HS3ST3A1: variants seen among roughly 807,000 people sequenced by gnomAD.
HS3ST3A1 encodes the protein heparan sulfate-glucosamine 3-sulfotransferase 3A1, also known as heparan sulfate glucosamine 3-O-sulfotransferase 3A1.
HS3ST3A1 carries 19 observed loss-of-function variants against 25.7 expected under a neutral mutation model. The observed-to-expected ratio is 0.74, with a 90% CI of 0.52 to 1.08. The LOEUF is 1.08. HS3ST3A1 is among the 50% of genes least tolerant of loss of function. HS3ST3A1 has a pLI of 0.00. For missense variants in HS3ST3A1, 459 were observed against 594.3 expected (o/e 0.77, Z 2.37); for synonymous variants, 226 against 278.6 (o/e 0.81, Z 1.88).
At chr17:13,530,942 C>T (rs1906587245) in intron 1 of HS3ST3A1, among the ~76,000 whole-genome samples, 1 of 152,192 alleles carries the variant, frequency 6.6e-6, no homozygotes, top group Admixed American at 6.5e-5. Context: ...TCCCTCTTCT[C>T]TGGCTAGAAA....
intron 1 of HS3ST3A1, among the ~76,000 whole-genome samples, chr17:13,546,827 A>G (rs868453126): frequency 5.3e-5 from 8 of 152,238 alleles, no homozygotes; most frequent in African/African-American, 1.7e-4. Context: ...TGTTGAATAA[A>G]TGAAAATACT....
intron 1 of HS3ST3A1, among the ~76,000 whole-genome samples, chr17:13,586,775 C>T (rs929264098): frequency 4.3e-5 from 6 of 140,614 alleles, no homozygotes; most frequent in African/African-American, 1.1e-4. Flanking sequence ...GAGGCTGAGG[C>T]AGGAGAATGG....
At chr17:13,578,393 CAAAAAA>C (rs397960321) in intron 1 of HS3ST3A1, among the ~76,000 whole-genome samples, 9 of 94,928 alleles carry the variant, frequency 9.5e-5, no homozygotes, top group South Asian at 3.3e-4. Flanking sequence ...TACAAAAATA[CAAAAAA>C]AAAAAAAAAA....
intron 1 of HS3ST3A1, among the ~76,000 whole-genome samples, chr17:13,571,266 C>T (rs956431218): frequency 3.3e-5 from 5 of 152,238 alleles, no homozygotes; most frequent in Admixed American, 2.0e-4. Context: ...CTCTGTGTGA[C>T]GGCAATACTA....
chr17:13,547,355 T>C (rs889680227), intron 1 of HS3ST3A1, among the ~76,000 whole-genome samples: 1 of 151,944 alleles, frequency 6.6e-6, no homozygotes, highest in African/African-American at 2.4e-5. Context: ...GGGGAACGGG[T>C]TGCCAGAAAG....
At chr17:13,580,788 G>A (rs1908090720) in intron 1 of HS3ST3A1, among the ~76,000 whole-genome samples, 1 of 152,296 alleles carries the variant, frequency 6.6e-6, no homozygotes, top group African/African-American at 2.4e-5. Flanking sequence ...CTACTCGGGA[G>A]GCTGAGGCAG....
rs1026811267 is a variant in HS3ST3A1, at chr17:13,584,125, C to T, written c.599+16406G>A. Among the ~76,000 whole-genome samples, 2 of 152,168 alleles carry T rather than the reference C, an allele frequency of 1.3e-5. 1 individual carries two copies. The highest frequency in any genetic ancestry group is 4.1e-4 in the South Asian group (2 of 4,830). ...CCAATGGTTAAAACTTTTTAAAAGCCTTCAATGTTAATGAGGAAAAACCAT... is the reference window on the plus strand; with the variant it reads ...CCAATGGTTAAAACTTTTTAAAAGCTTTCAATGTTAATGAGGAAAAACCAT... On this transcript the variant is annotated intron_variant, in intron 1 of 1. Transcript: ENST00000284110.
In HS3ST3A1 at chr17:13,503,196, A is replaced by G. The variant is rs531872446; in HGVS notation, c.600-6378T>C. Among the ~76,000 whole-genome samples the G allele has an allele frequency of 5.9e-5, 9 of 151,884 alleles. No individual in the cohort carries two copies. In the South Asian group the frequency reaches 1.2e-3, roughly 21 times the overall value. On this transcript the variant is annotated intron_variant, in intron 1 of 1. Coordinates refer to ENST00000284110, the MANE Select transcript of HS3ST3A1 (RefSeq NM_006042.3). ...CTCAAAAAAAAAAAAAAAAAAGAAA[A>G]AAAAAGAGCTCCTATAAATCAATAA...
intron 1 of HS3ST3A1, among the ~76,000 whole-genome samples, chr17:13,571,136 C>T (rs1907797500): frequency 6.6e-6 from 1 of 152,068 alleles, no homozygotes; most frequent in Non-Finnish European, 1.5e-5. Flanking sequence ...AGGAAGGGGG[C>T]TTTGCAAAGC....
At chr17:13,503,862 C>G (rs1905570114) in intron 1 of HS3ST3A1, among the ~76,000 whole-genome samples, 1 of 152,170 alleles carries the variant, frequency 6.6e-6, no homozygotes, top group Admixed American at 6.5e-5. Flanking sequence ...CAGGGCTATA[C>G]TCATGGAAAT....
intron 1 of HS3ST3A1, among the ~76,000 whole-genome samples, chr17:13,522,694 AG>A (rs1384277653): frequency 2.6e-5 from 4 of 152,192 alleles, no homozygotes; most frequent in Admixed American, 2.6e-4. Flanking sequence ...AAATTAGACA[AG>A]AAAATGGCAT....
rs1015825273 is a variant in HS3ST3A1, at chr17:13,594,351, C to T, written c.599+6180G>A. On this transcript the variant is annotated intron_variant, in intron 1 of 1. Transcript: ENST00000284110. ...GCTCTCCCAGGCCCTGGACTGCAGG[C>T]GCAGAAACGCCTGTCCTGTCGGAAC... 3.9e-5 allele frequency among the ~76,000 whole-genome samples: 6 copies of T among 152,188 alleles called. No individual in the cohort carries two copies. In the East Asian group the frequency reaches 1.2e-3, roughly 29 times the overall value.
At chr17:13,576,272 T>C (rs1267339012) in intron 1 of HS3ST3A1, among the ~76,000 whole-genome samples, 1 of 152,220 alleles carries the variant, frequency 6.6e-6, no homozygotes, top group Non-Finnish European at 1.5e-5. Flanking sequence ...GTGTATCTCT[T>C]GCGATCACAG....
intron 1 of HS3ST3A1, among the ~76,000 whole-genome samples, chr17:13,596,053 G>A (rs955168537): frequency 3.9e-5 from 6 of 152,152 alleles, no homozygotes; most frequent in African/African-American, 1.4e-4. Context: ...TTATTTAAAG[G>A]AGACAAATAT....
chr17:13,527,187 T>G (rs1177785117), intron 1 of HS3ST3A1, among the ~76,000 whole-genome samples: 2 of 152,070 alleles, frequency 1.3e-5, no homozygotes, highest in Non-Finnish European at 2.9e-5. Context: ...CTTCCACCCC[T>G]CTTTCATTCC....
At chr17:13,592,273 A>G (rs1908446925) in intron 1 of HS3ST3A1, among the ~76,000 whole-genome samples, 1 of 152,214 alleles carries the variant, frequency 6.6e-6, no homozygotes, top group African/African-American at 2.4e-5. Flanking sequence ...TATAAAATGT[A>G]GAAAATGATA....
chr17:13,500,156 A>G (rs1294888311), intron 1 of HS3ST3A1, among the ~76,000 whole-genome samples: 2 of 152,204 alleles, frequency 1.3e-5, no homozygotes, highest in Non-Finnish European at 2.9e-5. Flanking sequence ...ACAAAGCACC[A>G]CACTGTCATA....
intron 1 of HS3ST3A1, among the ~76,000 whole-genome samples, chr17:13,542,504 G>A (rs375266255): frequency 2.0e-5 from 3 of 151,872 alleles, no homozygotes; most frequent in South Asian, 2.1e-4. Flanking sequence ...GAGAGGTCGC[G>A]GGAGAGAACA....
At chr17:13,575,610 T>A (rs1907929802) in intron 1 of HS3ST3A1, among the ~76,000 whole-genome samples, 1 of 152,208 alleles carries the variant, frequency 6.6e-6, no homozygotes, top group Admixed American at 6.5e-5. Flanking sequence ...GGTTCCCAGA[T>A]AGCACAAGAC....
Sources: allele counts gnomAD v4.1 joint callset (sites outside exome capture counted in the v4.1 genomes callset), GRCh38; gene constraint gnomAD v4.1.1; transcripts MANE v1.5; gene names NCBI Gene and HGNC (gene_info 2026-07-23, HGNC 2026-07-21).